Variants in OR1I1 observed in about 807,000 individuals in gnomAD.
OR1I1 encodes olfactory receptor 1I1.
For synonymous variants in OR1I1, 171 were observed against 181.4 expected, an observed-to-expected ratio of 0.94 and a Z score of 0.46; for missense variants, 451 against 443.6, an observed-to-expected ratio of 1.02 and a Z score of -0.15.
At chr19:15,086,926 C>T (rs58719128) in intron 1 of OR1I1, 127 bp from the exon 2 acceptor site, 247,559 of 1,405,012 alleles carry the variant, frequency 0.18, 23,526 homozygotes, top group South Asian at 0.29. Flanking sequence ...TAACTGAACA[C>T]AAAGGAATTT....
rs1168277066 is a variant in OR1I1, at chr19:15,091,056, G to A, written c.*2923G>A. On this transcript the variant is annotated 3_prime_UTR_variant, in exon 2 of 2. Transcript: ENST00000641398. ...CTGGGCTAGAACTGGAGAAAAGGATGAAGGATTTAGATTGCATGGATTCAC... is the reference window on the plus strand; with the variant it reads ...CTGGGCTAGAACTGGAGAAAAGGATAAAGGATTTAGATTGCATGGATTCAC... 1 of 152,232 alleles carries A rather than the reference G, an allele frequency of 6.6e-6. No homozygotes were observed. Among genetic ancestry groups the A allele is most frequent in the Non-Finnish European group, 1.5e-5 (1 of 68,046 alleles). The allele number at this position is 152,232 out of a possible 1,614,324, so 9.4% of individuals were successfully genotyped here.
chr19:15,086,554 A>T (rs1391932535), intron 1 of OR1I1, among the ~76,000 whole-genome samples: 1 of 151,984 alleles, frequency 6.6e-6, no homozygotes, highest in African/African-American at 2.4e-5. Flanking sequence ...CCCGGGTTCA[A>T]GCTATTCACC....
rs2046240784 is a variant in OR1I1 at position 15,088,418 on chromosome 19, A to G, written c.*285A>G. 5.7e-6 allele frequency: 2 copies of G among 352,958 alleles called. No homozygotes were observed. Among genetic ancestry groups the G allele is most frequent in the South Asian group, 6.6e-5 (2 of 30,478 alleles). 21.9% of individuals were successfully genotyped at this position (352,958 alleles called of 1,614,324 possible). On this transcript the variant is annotated 3_prime_UTR_variant, in exon 2 of 2. Coordinates refer to ENST00000641398, the MANE Select transcript of OR1I1 (RefSeq NM_001004713.2). ...GTGATCCCAGCATTTTGGGAGGCCA[A>G]GGTGGAAGGATCACTTGAGGCCAGG...
chr19:15,092,220 CAA>C lies in OR1I1; in HGVS notation c.*4089_*4090del, dbSNP rs2046260450. On this transcript the variant is annotated 3_prime_UTR_variant, in exon 2 of 2. Coordinates refer to ENST00000641398, the MANE Select transcript of OR1I1 (RefSeq NM_001004713.2). ...TCCCCCTGGAAGGGCACAACAGGTG[CAA>C]AGTTTCCATGATGAGAAGGAGCCTG... is the stretch of plus-strand genomic sequence containing the variant. 7.0e-6 allele frequency: 1 copy of C among 143,384 alleles called. No homozygotes were observed. Among genetic ancestry groups the C allele is most frequent in the African/African-American group, 2.5e-5 (1 of 39,512 alleles). 8.9% of individuals were successfully genotyped at this position (143,384 alleles called of 1,614,324 possible). A position where few individuals can be genotyped will look rare whatever the true frequency, so the allele number is the denominator to read the frequency against.
In OR1I1 at chr19:15,082,252, A is replaced by T. The variant is rs2046212216; in HGVS notation, c.-38A>T. On this transcript the variant is annotated 5_prime_UTR_variant, in exon 1 of 2. Transcript: ENST00000641398. Reference sequence around the variant, plus strand: ...ACACATATGAATCCTTCCCATAGACATCAGGCTAACCCCAGCGATCACAGG... The same window carrying T: ...ACACATATGAATCCTTCCCATAGACTTCAGGCTAACCCCAGCGATCACAGG... The T allele has an allele frequency of 6.6e-6, 1 of 152,128 alleles. No homozygotes were observed. The highest frequency in any genetic ancestry group is 1.5e-5 in the Non-Finnish European group (1 of 68,156). The allele number at this position is 152,128 out of a possible 1,614,324, so 9.4% of individuals were successfully genotyped here. A position where few individuals can be genotyped will look rare whatever the true frequency, so the allele number is the denominator to read the frequency against.
Position 15,092,655 on chromosome 19 carries a change from C to T in OR1I1, c.*4522C>T, listed in dbSNP as rs1355427578. 2 of 152,194 alleles carry T rather than the reference C, an allele frequency of 1.3e-5. No homozygotes were observed. The highest frequency in any genetic ancestry group is 2.9e-5 in the Non-Finnish European group (2 of 68,050). 9.4% of individuals were successfully genotyped at this position (152,194 alleles called of 1,614,324 possible). The stretch of plus-strand genomic sequence containing the variant: ...TTCCATTTCATATCATAGTACATGT[C>T]ATACCTTGTAGCCTTTGGGTTTGTT... On this transcript the variant is annotated 3_prime_UTR_variant, in exon 2 of 2. Coordinates refer to ENST00000641398, the MANE Select transcript of OR1I1 (RefSeq NM_001004713.2).
Position 15,085,176 on chromosome 19 carries a change from A to ATATGTTT in OR1I1, c.-13-1876_-13-1875insATGTTTT, listed in dbSNP as rs1555717400. Among the ~76,000 whole-genome samples, 12 of 80,126 alleles carry ATATGTTT rather than the reference A, an allele frequency of 1.5e-4. 2 individuals are homozygous for ATATGTTT. Among genetic ancestry groups the ATATGTTT allele is most frequent in the East Asian group, 9.7e-4 (2 of 2,062 alleles). 52.6% of individuals were successfully genotyped at this position (80,126 alleles called of 152,430 possible). A position where few individuals can be genotyped will look rare whatever the true frequency, so the allele number is the denominator to read the frequency against. On this transcript the variant is annotated intron_variant, in intron 1 of 1. Coordinates refer to ENST00000641398, the MANE Select transcript of OR1I1 (RefSeq NM_001004713.2). ...TATATATATATATATATATATATAT[A>ATATGTTT]TTTTTTTTTTTGAGACAGAGTTTCG...
Position 15,088,375 on chromosome 19 carries a change from G to T in OR1I1, c.*242G>T. ...TCATTTTAGTATTGACAAAGGCCAG[G>T]TGTGGAAGCTCAAGCCTGTGATCCC... On this transcript the variant is annotated 3_prime_UTR_variant, in exon 2 of 2. Coordinates refer to ENST00000641398, the MANE Select transcript of OR1I1 (RefSeq NM_001004713.2). 1 of 444,088 alleles carries T rather than the reference G, an allele frequency of 2.3e-6. No homozygotes were observed. The allele number at this position is 444,088 out of a possible 1,614,324, so 27.5% of individuals were successfully genotyped here.
At position 15,089,485 on chromosome 19, in the gene OR1I1, C is replaced by G. The variant is rs1367080665; in HGVS notation, c.*1352C>G. 1.3e-5 allele frequency: 2 copies of G among 152,066 alleles called. No homozygotes were observed. The highest frequency in any genetic ancestry group is 2.9e-5 in the Non-Finnish European group (2 of 68,048). 9.4% of individuals were successfully genotyped at this position (152,066 alleles called of 1,614,324 possible). On this transcript the variant is annotated 3_prime_UTR_variant, in exon 2 of 2. Transcript: ENST00000641398. ...ACAGCAGATCAGGTGGCCCGGGGCA[C>G]TTAAAAAGTTAGTGTTATGGGTTGA...
rs199922811 is a variant in OR1I1 at position 15,089,075 on chromosome 19, G to GATA, written c.*942_*943insATA. 4.0e-5 allele frequency: 6 copies of GATA among 151,182 alleles called. 1 individual carries two copies. Among genetic ancestry groups the GATA allele is most frequent in the South Asian group, 2.1e-4 (1 of 4,812 alleles). 9.4% of individuals were successfully genotyped at this position (151,182 alleles called of 1,614,324 possible). Reference sequence around the variant, plus strand: ...TGGATAGATAGAGATAGAGGAGGTAGGTAGATAGATAGATAGATAGATAGG... The same window carrying GATA: ...TGGATAGATAGAGATAGAGGAGGTAGATAGTAGATAGATAGATAGATAGATAGG... On this transcript the variant is annotated 3_prime_UTR_variant, in exon 2 of 2. Transcript: ENST00000641398.
At chr19:15,086,862 C>T (rs2046231859) in intron 1 of OR1I1, 191 bp from the exon 2 acceptor site, 7 of 783,840 alleles carry the variant, frequency 8.9e-6, no homozygotes, top group East Asian at 2.8e-5. Context: ...CTGTCTCAGG[C>T]ATGAATGACT....
At chr19:15,083,851 G>A (rs1442870517) in intron 1 of OR1I1, among the ~76,000 whole-genome samples, 2 of 152,130 alleles carry the variant, frequency 1.3e-5, no homozygotes, top group Admixed American at 1.3e-4. Context: ...AATCGGGCGT[G>A]GTGATGCACA....
At position 15,091,824 on chromosome 19, in the gene OR1I1, G is replaced by C. The variant is rs1325310499; in HGVS notation, c.*3691G>C. 1 of 57,440 alleles carries C rather than the reference G, an allele frequency of 1.7e-5. No individual in the cohort carries two copies. The allele number at this position is 57,440 out of a possible 1,614,324, so 3.6% of individuals were successfully genotyped here. ...AGCCTGGGTGACAGAGCGAGACTCTGTCTCAAAAAAAAAAAAAAAAAAAAA... is the reference window on the plus strand; with the variant it reads ...AGCCTGGGTGACAGAGCGAGACTCTCTCTCAAAAAAAAAAAAAAAAAAAAA... On this transcript the variant is annotated 3_prime_UTR_variant, in exon 2 of 2. Coordinates refer to ENST00000641398, the MANE Select transcript of OR1I1 (RefSeq NM_001004713.2).
rs1362978794 is a variant in OR1I1, at chr19:15,091,887, C to T, written c.*3754C>T. 1 of 146,604 alleles carries T rather than the reference C, an allele frequency of 6.8e-6. No individual in the cohort carries two copies. The highest frequency in any genetic ancestry group is 6.8e-5 in the Admixed American group (1 of 14,694). The allele number at this position is 146,604 out of a possible 1,614,324, so 9.1% of individuals were successfully genotyped here. The stretch of plus-strand genomic sequence containing the variant: ...ATTTAAAAGTTTGAGCATCACTGGG[C>T]TAGATGGGGGTCCTGTAGATAACCG... On this transcript the variant is annotated 3_prime_UTR_variant, in exon 2 of 2. Transcript: ENST00000641398.
intron 1 of OR1I1, among the ~76,000 whole-genome samples, chr19:15,084,240 A>T (rs1035958910): frequency 6.6e-6 from 1 of 152,056 alleles, no homozygotes; most frequent in African/African-American, 2.4e-5. Flanking sequence ...TCCCTGTGGG[A>T]GTTATTGTAA....
At position 15,088,070 on chromosome 19, in the gene OR1I1, G is replaced by C. The variant is rs760244455; in HGVS notation, c.1005G>C (p.Glu335Asp). The C allele has an allele frequency of 6.3e-7, 1 of 1,583,508 alleles. No homozygotes were observed. The highest frequency in any genetic ancestry group is 2.3e-5 in the East Asian group (1 of 44,288). Residue 335 changes from glutamate to aspartate, a missense_variant, in exon 2 of 2, where the codon GAG becomes GAC. Coordinates refer to ENST00000641398, the MANE Select transcript of OR1I1 (RefSeq NM_001004713.2). ...PGSLLAARDT[E>D]MHPIPYPGGV... The stretch of plus-strand genomic sequence containing the variant: ...CACTGTTGGCTGCTAGGGACACAGA[G>C]ATGCATCCCATCCCCTACCCTGGAG...
At chr19:15,083,925 T>C (rs1211309995) in intron 1 of OR1I1, among the ~76,000 whole-genome samples, 4 of 152,138 alleles carry the variant, frequency 2.6e-5, no homozygotes, top group Non-Finnish European at 4.4e-5. Flanking sequence ...GAGACGGATG[T>C]TGCAGTGAGC....
chr19:15,086,835 G>A (rs1299911244), intron 1 of OR1I1: 1 of 630,794 alleles, frequency 1.6e-6, no homozygotes, highest in Non-Finnish European at 2.6e-6. Flanking sequence ...GACTCCGTTA[G>A]ATCCTTGAGA....
In OR1I1 at chr19:15,088,158, T is replaced by C. The variant is rs2046239720; in HGVS notation, c.*25T>C. On this transcript the variant is annotated 3_prime_UTR_variant, in exon 2 of 2. Coordinates refer to ENST00000641398, the MANE Select transcript of OR1I1 (RefSeq NM_001004713.2). Reference sequence around the variant, plus strand: ...AATCCTTCCAGTACAACGTGATAAATGTGTCATAAAGAGATGAACAAAGTG... The same window carrying C: ...AATCCTTCCAGTACAACGTGATAAACGTGTCATAAAGAGATGAACAAAGTG... 6.5e-7 allele frequency: 1 copy of C among 1,527,396 alleles called. No homozygotes were observed. Among genetic ancestry groups the C allele is most frequent in the South Asian group, 1.3e-5 (1 of 80,000 alleles). The allele number at this position is 1,527,396 out of a possible 1,614,324, so 94.6% of individuals were successfully genotyped here. A position where few individuals can be genotyped will look rare whatever the true frequency, so the allele number is the denominator to read the frequency against.
Sources: gnomAD v4.1 joint callset for allele counts (sites outside exome capture counted in the v4.1 genomes callset) on GRCh38, gnomAD v4.1.1 for gene constraint, MANE v1.5 for transcripts, NCBI Gene and HGNC (gene_info 2026-07-23, HGNC 2026-07-21) for gene names.